FXN: variants seen among roughly 807,000 people sequenced by gnomAD.
FXN encodes the protein frataxin, mitochondrial.
FXN carries 14 observed loss-of-function variants against 22.4 expected under a neutral mutation model. The observed-to-expected ratio is 0.62, with a 90% CI of 0.41 to 0.98. The LOEUF is 0.98. FXN is among the 50% of genes least tolerant of loss of function. The pLI, the probability that FXN is intolerant of heterozygous loss-of-function variation, is 0.00. For missense variants in FXN, 267 were observed against 268.4 expected (o/e 0.99, Z 0.04); for synonymous variants, 120 against 114.1 (o/e 1.05, Z -0.33).
At chr9:69,065,074 T>C in intron 4 of FXN, 39 bp downstream of exon 4, 1 of 1,472,978 alleles carries the variant, frequency 6.8e-7, no homozygotes, top group Non-Finnish European at 9.5e-7. Flanking sequence ...ATGTAATTCT[T>C]AAAGACTTCC....
At chr9:69,042,110 C>T (rs1242902458) in intron 1 of FXN, among the ~76,000 whole-genome samples, 4 of 152,140 alleles carry the variant, frequency 2.6e-5, no homozygotes, top group South Asian at 2.1e-4. Flanking sequence ...TGGAGGTGCA[C>T]GCCTGTAATC....
intron 2 of FXN, among the ~76,000 whole-genome samples, chr9:69,050,784 C>CT (rs199872351): frequency 0.55 from 80,056 of 146,072 alleles, 21,834 homozygotes; most frequent in East Asian, 0.63. Flanking sequence ...TTGGCCAACT[C>CT]TTTTTTTTTT....
intron 1 of FXN, among the ~76,000 whole-genome samples, chr9:69,040,567 C>T (rs1188655222): frequency 1.3e-5 from 2 of 152,158 alleles, no homozygotes; most frequent in East Asian, 3.9e-4. Flanking sequence ...ACTCGGGACG[C>T]TGAGGCAGGA....
intron 1 of FXN, among the ~76,000 whole-genome samples, chr9:69,037,284 A>AAAAAAAAGAAGAAG (rs544093183): frequency 2.3e-4 from 18 of 78,026 alleles, no homozygotes; most frequent in East Asian, 9.3e-4. Flanking sequence ...AAAAAAAAAA[A>AAAAAAAAGAAGAAG]AAGAAGAAGA....
intron 4 of FXN, among the ~76,000 whole-genome samples, chr9:69,070,632 T>C (rs1045613711): frequency 1.3e-5 from 2 of 152,232 alleles, no homozygotes; most frequent in African/African-American, 2.4e-5. Context: ...TGTTATTGGT[T>C]GATGCTGCAG....
intron 4 of FXN, 25 bp from the exon 5 acceptor site, chr9:69,072,587 A>G (rs1422700440): frequency 3.1e-6 from 5 of 1,613,836 alleles, no homozygotes; most frequent in Non-Finnish European, 4.2e-6. Flanking sequence ...CTGTGGAATT[A>G]CTATGCATTT....
intron 2 of FXN, among the ~76,000 whole-genome samples, chr9:69,052,862 C>T (rs1375746554): frequency 2.0e-5 from 3 of 151,386 alleles, no homozygotes; most frequent in African/African-American, 4.8e-5. Context: ...TACTTTGGGC[C>T]GGGCACGGTG....
chr9:69,073,039 AC>A lies in FXN; in HGVS notation c.*279del. 7.6e-7 allele frequency: 1 copy of A among 1,316,984 alleles called. No individual in the cohort carries two copies. The highest frequency in any genetic ancestry group is 9.7e-7 in the Non-Finnish European group (1 of 1,033,046). 81.6% of individuals were successfully genotyped at this position (1,316,984 alleles called of 1,614,324 possible). A position where few individuals can be genotyped will look rare whatever the true frequency, so the allele number is the denominator to read the frequency against. On this transcript the variant is annotated 3_prime_UTR_variant, in exon 5 of 5. Coordinates refer to ENST00000484259, the MANE Select transcript of FXN (RefSeq NM_000144.5). Reference sequence around the variant, plus strand: ...ATCTTTTATAATGTCTTATGCCTATACCTGAATATAACAACCTTTAAAAAAG... The same window carrying A: ...ATCTTTTATAATGTCTTATGCCTATACTGAATATAACAACCTTTAAAAAAG...
intron 4 of FXN, among the ~76,000 whole-genome samples, chr9:69,068,239 G>A (rs1832209056): frequency 6.6e-6 from 1 of 152,190 alleles, no homozygotes; most frequent in Non-Finnish European, 1.5e-5. Context: ...GGTGGAGCCT[G>A]GAGTGGCCTG....
In FXN at chr9:69,072,747, C is replaced by T. The variant is rs755842538; in HGVS notation, c.618C>T (p.Ser206=). The T allele has an allele frequency of 6.2e-6, 10 of 1,614,026 alleles. No homozygotes were observed. The highest frequency in any genetic ancestry group is 1.1e-5 in the South Asian group (1 of 91,086). Residue 206 remains serine (S), a synonymous_variant, in exon 5 of 5, where the codon TCC becomes TCT. Coordinates refer to ENST00000484259, the MANE Select transcript of FXN (RefSeq NM_000144.5). ...TKLDLSSLAY[S]GKDA ...TGGACTTGTCTTCCTTGGCCTATTC[C>T]GGAAAAGATGCTTGATGCCCAGCCC... is the stretch of plus-strand genomic sequence containing the variant.
chr9:69,052,022 A>G (rs1025543080), intron 2 of FXN, among the ~76,000 whole-genome samples: 1 of 151,428 alleles, frequency 6.6e-6, no homozygotes, highest in African/African-American at 2.4e-5. Context: ...TAATTTTTGT[A>G]TTTTTAGTAG....
chr9:69,049,840 T>TAA (rs1831820091), intron 2 of FXN, among the ~76,000 whole-genome samples: 1 of 152,154 alleles, frequency 6.6e-6, no homozygotes, highest in Non-Finnish European at 1.5e-5. Flanking sequence ...CTAATCTACT[T>TAA]TCTGTCTCTG....
intron 1 of FXN, among the ~76,000 whole-genome samples, chr9:69,042,118 A>G (rs576530952): frequency 6.8e-4 from 104 of 152,056 alleles, no homozygotes; most frequent in Non-Finnish European, 1.4e-3. Context: ...CACGCCTGTA[A>G]TCCCAGCTAC....
Position 69,074,682 on chromosome 9 carries a change from T to G in FXN, c.*1920T>G. On this transcript the variant is annotated 3_prime_UTR_variant, in exon 5 of 5. Coordinates refer to ENST00000484259, the MANE Select transcript of FXN (RefSeq NM_000144.5). ...CAGGAGGCTGAGACAGGAGGATTGC[T>G]TGAAGCCAGGAATTGGAGATCAGCC... The G allele has an allele frequency of 1.0e-6, 1 of 978,270 alleles. No individual in the cohort carries two copies. Among genetic ancestry groups the G allele is most frequent in the Non-Finnish European group, 1.2e-6 (1 of 823,506 alleles). 60.6% of individuals were successfully genotyped at this position (978,270 alleles called of 1,614,324 possible).
chr9:69,041,973 T>G (rs1199364655), intron 1 of FXN, among the ~76,000 whole-genome samples: 1 of 152,172 alleles, frequency 6.6e-6, no homozygotes, highest in Non-Finnish European at 1.5e-5. Flanking sequence ...CCAGGTGCGG[T>G]GGCTTACGCC....
At chr9:69,061,577 G>C in intron 3 of FXN, among the ~76,000 whole-genome samples, 1 of 151,828 alleles carries the variant, frequency 6.6e-6, no homozygotes, top group East Asian at 1.9e-4. Flanking sequence ...GTGCAGGTTA[G>C]TTACATATGT....
At position 69,073,750 on chromosome 9, in the gene FXN, C is replaced by G. The variant is rs797001245; in HGVS notation, c.*988C>G. On this transcript the variant is annotated 3_prime_UTR_variant, in exon 5 of 5. Transcript: ENST00000484259. ...GGTTGATTCCCAGCATTCAGTGGTC[C>G]TGTCAAGCAACCTAACAGGCTAGTT... The G allele has an allele frequency of 5.5e-5, 54 of 985,390 alleles. No homozygotes were observed. The African/African-American group carries it at 9.1e-4, about 17-fold the overall frequency. The allele number at this position is 985,390 out of a possible 1,614,324, so 61.0% of individuals were successfully genotyped here.
At chr9:69,066,654 G>C (rs1455289126) in intron 4 of FXN, among the ~76,000 whole-genome samples, 1 of 152,098 alleles carries the variant, frequency 6.6e-6, no homozygotes, top group African/African-American at 2.4e-5. Context: ...GCTCGGTCCA[G>C]CGATCACTTT....
At chr9:69,050,050 C>T (rs910542186) in intron 2 of FXN, among the ~76,000 whole-genome samples, 2 of 152,206 alleles carry the variant, frequency 1.3e-5, no homozygotes, top group African/African-American at 4.8e-5. Flanking sequence ...TCTTTTCCTT[C>T]TAGTCATTAA....
Sources: allele counts gnomAD v4.1 joint callset (sites outside exome capture counted in the v4.1 genomes callset), GRCh38; gene constraint gnomAD v4.1.1; transcripts MANE v1.5; gene names NCBI Gene and HGNC (gene_info 2026-07-23, HGNC 2026-07-21).